Variants in ZHX3 observed in about 807,000 individuals in gnomAD.
ZHX3 encodes zinc fingers and homeoboxes protein 3.
A neutral mutation model predicts 64.5 loss-of-function variants in ZHX3; 20 were observed. The ratio of observed to expected loss-of-function variants is 0.31; its 90% CI spans 0.22 to 0.45. The LOEUF (loss-of-function observed/expected upper bound fraction) is 0.45. Among genes scored for constraint, ZHX3 ranks in the 20% least tolerant of loss-of-function variants. ZHX3 has a pLI of 1.00. For missense variants in ZHX3, 1,041 were observed against 1,195.8 expected (o/e 0.87, Z 1.91); for synonymous variants, 423 against 461.6 (o/e 0.92, Z 1.07).
At chr20:41,211,915 T>C (rs1761452051) in intron 2 of ZHX3, among the ~76,000 whole-genome samples, 2 of 152,150 alleles carry the variant, frequency 1.3e-5, no homozygotes, top group African/African-American at 4.8e-5. Flanking sequence ...TGCTTTATGA[T>C]CCCAAATCAG....
Position 41,213,664 on chromosome 20 carries a change from ACTG to A in ZHX3, c.-150-8601_-150-8599del, listed in dbSNP as rs1223635000. 5.2e-5 allele frequency: 8 copies of A among 152,548 alleles called. No individual in the cohort carries two copies. The East Asian group carries it at 1.5e-3, about 29-fold the overall frequency. 9.4% of individuals were successfully genotyped at this position (152,548 alleles called of 1,614,324 possible). On this transcript the variant is annotated intron_variant, in intron 2 of 3. Coordinates refer to ENST00000683867, the MANE Select transcript of ZHX3 (RefSeq NM_001384317.1). ...CAAGCACTCCAGGCACAGGGCCAGA[ACTG>A]CTATTTGTAATGGGGACTGGGATTC...
intron 3 of ZHX3, among the ~76,000 whole-genome samples, chr20:41,198,973 T>C (rs2037996687): frequency 6.6e-6 from 1 of 152,146 alleles, no homozygotes; most frequent in South Asian, 2.1e-4. Flanking sequence ...CTCTTCAAAT[T>C]CACTGTTCTC....
At chr20:41,277,591 T>C (rs890240569) in intron 1 of ZHX3, among the ~76,000 whole-genome samples, 1 of 105,118 alleles carries the variant, frequency 9.5e-6, no homozygotes, top group Non-Finnish European at 1.8e-5. Context: ...CCATGTTAAT[T>C]TTTTTTTTCT....
intron 1 of ZHX3, 27 bp downstream of exon 1, chr20:41,317,482 G>C (rs1240721324): frequency 1.3e-5 from 2 of 150,918 alleles, no homozygotes; most frequent in African/African-American, 4.8e-5. Context: ...GGGCACGCGG[G>C]GCCGGCTGGC....
chr20:41,202,238 G>A lies in ZHX3; in HGVS notation c.2679C>T (p.Ala893=), dbSNP rs763213991. 4.5e-5 allele frequency: 72 copies of A among 1,614,098 alleles called. No homozygotes were observed. In the East Asian group the frequency reaches 8.0e-4, roughly 18 times the overall value. Residue 893 remains alanine (A), a synonymous_variant, in exon 3 of 4, where the codon GCC becomes GCT. Transcript: ENST00000683867. The surrounding 1 kb of genome is among the most constrained non-coding windows in gnomAD (Gnocchi z 7.0). ...FAEKMGEETR[A]VADTGSEDQG... The stretch of plus-strand genomic sequence containing the variant: ...GGTCCTCACTGCCTGTGTCTGCCAC[G>A]GCTCTGGTCTCCTCCCCCATTTTCT...
rs1033172763 is a variant in ZHX3 at position 41,247,105 on chromosome 20, C to G, written c.-151+21885G>C. 2.0e-5 allele frequency among the ~76,000 whole-genome samples: 3 copies of G among 152,074 alleles called. No homozygotes were observed. In the South Asian group the frequency reaches 6.2e-4, roughly 32 times the overall value. On this transcript the variant is annotated intron_variant, in intron 2 of 3. Coordinates refer to ENST00000683867, the MANE Select transcript of ZHX3 (RefSeq NM_001384317.1). ...GCAAAACCTTGTCTCTACAAAAATACAAAAATTAGATGGGCATTGTGGCGT... is the reference window on the plus strand; with the variant it reads ...GCAAAACCTTGTCTCTACAAAAATAGAAAAATTAGATGGGCATTGTGGCGT...
chr20:41,198,905 GT>G (rs1257049674), intron 3 of ZHX3, among the ~76,000 whole-genome samples: 8 of 151,458 alleles, frequency 5.3e-5, no homozygotes, highest in East Asian at 1.9e-4. Flanking sequence ...GCTCTCTCAG[GT>G]TTTTTTTCCT....
intron 2 of ZHX3, among the ~76,000 whole-genome samples, chr20:41,251,605 T>TA (rs2041997141): frequency 6.6e-6 from 1 of 152,128 alleles, no homozygotes; most frequent in East Asian, 1.9e-4. Flanking sequence ...ATACACCAAC[T>TA]AAAAGGCAAA....
intron 1 of ZHX3, among the ~76,000 whole-genome samples, chr20:41,311,996 T>C (rs911604754): frequency 9.2e-5 from 14 of 152,216 alleles, no homozygotes; most frequent in African/African-American, 2.9e-4. Context: ...TTGTAGTCTC[T>C]ATTGGGGGAG....
chr20:41,183,528 C>CA lies in ZHX3; in HGVS notation c.*1662dup, dbSNP rs2036318868. 2 of 152,246 alleles carry CA rather than the reference C, an allele frequency of 1.3e-5. No individual in the cohort carries two copies. Among genetic ancestry groups the CA allele is most frequent in the Admixed American group, 1.3e-4 (2 of 15,290 alleles). The allele number at this position is 152,246 out of a possible 1,614,324, so 9.4% of individuals were successfully genotyped here. ...ATGCTTGTCCTTGGAGCCACATGAG[C>CA]ACGGTGCCCTGCCAGGTCCAGTTCC... On this transcript the variant is annotated 3_prime_UTR_variant, in exon 4 of 4. Transcript: ENST00000683867. The surrounding 1 kb of genome is among the most constrained non-coding windows in gnomAD (Gnocchi z 5.3).
rs561893288 is a variant in ZHX3, at chr20:41,214,453, C to G, written c.-150-9387G>C. Reference sequence around the variant, plus strand: ...CTCGCTCCAGAGCCTGCAACTTCAACCACTCCACACAGTGAGCTCTCTGAG... The same window carrying G: ...CTCGCTCCAGAGCCTGCAACTTCAAGCACTCCACACAGTGAGCTCTCTGAG... On this transcript the variant is annotated intron_variant, in intron 2 of 3. Coordinates refer to ENST00000683867, the MANE Select transcript of ZHX3 (RefSeq NM_001384317.1). Among the ~76,000 whole-genome samples the G allele has an allele frequency of 7.9e-5, 12 of 152,346 alleles. No homozygotes were observed. In the South Asian group the frequency reaches 2.5e-3, roughly 32 times the overall value.
chr20:41,270,721 T>C (rs2043102563), intron 1 of ZHX3, among the ~76,000 whole-genome samples: 1 of 152,060 alleles, frequency 6.6e-6, no homozygotes, highest in African/African-American at 2.4e-5. Context: ...CTGTTCATAG[T>C]CAGGGGTACC....
chr20:41,234,398 C>G lies in ZHX3; in HGVS notation c.-150-29332G>C, dbSNP rs185185675. 1.6e-3 allele frequency among the ~76,000 whole-genome samples: 244 copies of G among 152,310 alleles called. 3 individuals carry two copies. The highest frequency in any genetic ancestry group is 3.0e-3 in the Non-Finnish European group (203 of 68,024). On this transcript the variant is annotated intron_variant, in intron 2 of 3. Transcript: ENST00000683867. Reference sequence around the variant, plus strand: ...CAAATACCTTTGTCTATCTAGTTCACCTGGTTTTGTTCCTCCTCAGAAGCC... The same window carrying G: ...CAAATACCTTTGTCTATCTAGTTCAGCTGGTTTTGTTCCTCCTCAGAAGCC...
At chr20:41,238,622 A>C (rs1192006631) in intron 2 of ZHX3, 1 of 152,234 alleles carries the variant, frequency 6.6e-6, no homozygotes, top group Non-Finnish European at 1.5e-5. Flanking sequence ...ATCTAAATTT[A>C]TATTTCATCA....
intron 2 of ZHX3, among the ~76,000 whole-genome samples, chr20:41,258,813 T>C (rs968124169): frequency 1.3e-5 from 2 of 152,178 alleles, no homozygotes; most frequent in South Asian, 2.1e-4. Flanking sequence ...TGAGGTAGTT[T>C]GAGATGATGC....
intron 2 of ZHX3, among the ~76,000 whole-genome samples, chr20:41,265,429 C>G (rs191613820): frequency 2.0e-5 from 3 of 152,034 alleles, no homozygotes; most frequent in African/African-American, 7.3e-5. Flanking sequence ...CTCAAACTCC[C>G]GACCTCAGAT....
chr20:41,283,755 T>TA (rs11288230), intron 1 of ZHX3, among the ~76,000 whole-genome samples: 46 of 147,562 alleles, frequency 3.1e-4, no homozygotes, highest in Non-Finnish European at 4.5e-4. Context: ...AGTCTCCATC[T>TA]AAAAAAAAAA....
intron 1 of ZHX3, among the ~76,000 whole-genome samples, chr20:41,316,686 A>C (rs1246250432): frequency 1.3e-5 from 2 of 152,240 alleles, no homozygotes; most frequent in Non-Finnish European, 2.9e-5. Context: ...CGCAGGGCAC[A>C]AGCCCAGGGC....
At chr20:41,280,392 A>G (rs1218892921) in intron 1 of ZHX3, among the ~76,000 whole-genome samples, 11 of 152,246 alleles carry the variant, frequency 7.2e-5, no homozygotes, top group African/African-American at 2.7e-4. Flanking sequence ...TATTCTCCAG[A>G]TAATTTAATG....
Sources: allele counts gnomAD v4.1 joint callset (sites outside exome capture counted in the v4.1 genomes callset), GRCh38; gene constraint gnomAD v4.1.1; non-coding constraint Gnocchi (gnomAD v3.1); transcripts MANE v1.5; gene names NCBI Gene and HGNC (gene_info 2026-07-23, HGNC 2026-07-21).